Variants in IQCK observed in about 807,000 individuals in gnomAD.
IQCK encodes IQ motif containing K, also known as IQ domain-containing protein K.
In IQCK, 29 loss-of-function variants were observed where a neutral mutation model predicts 28.1. The ratio of observed to expected loss-of-function variants is 1.03; its 90% CI spans 0.77 to 1.41. IQCK has a LOEUF of 1.41. Ranked by LOEUF, IQCK falls within the 40% of genes most tolerant of loss-of-function variation. The probability of loss-of-function intolerance (pLI) is 0.00; values close to 1 mark genes in which losing one functional copy is unlikely to be tolerated. For missense variants in IQCK, 359 were observed against 314.7 expected, an observed-to-expected ratio of 1.14 and a Z score of -1.07; for synonymous variants, 113 against 115.1, an observed-to-expected ratio of 0.98 and a Z score of 0.12.
At chr16:19,742,547 T>G (rs189444248) in intron 4 of IQCK, among the ~76,000 whole-genome samples, 1 of 152,380 alleles carries the variant, frequency 6.6e-6, no homozygotes, top group African/African-American at 2.4e-5. Flanking sequence ...AACTGAATGA[T>G]GACTGGCCTC....
chr16:19,727,929 C>T (rs146792262), intron 1 of IQCK, among the ~76,000 whole-genome samples: 7 of 152,146 alleles, frequency 4.6e-5, no homozygotes, highest in African/African-American at 9.6e-5. Flanking sequence ...CTTGCCACCT[C>T]GTGAACACAC....
intron 9 of IQCK, among the ~76,000 whole-genome samples, chr16:19,852,526 T>G (rs1413902019): frequency 6.6e-6 from 1 of 152,194 alleles, no homozygotes; most frequent in African/African-American, 2.4e-5. Flanking sequence ...TTTGGAGCTC[T>G]TTTCACGTTT....
At chr16:19,855,174 G>A (rs866640135) in intron 9 of IQCK, among the ~76,000 whole-genome samples, 3 of 152,124 alleles carry the variant, frequency 2.0e-5, no homozygotes, top group Non-Finnish European at 4.4e-5. Context: ...ACAGGAGGGT[G>A]GGAAGCTGAT....
rs572984182 is a variant in IQCK, at chr16:19,857,714, C to G, written c.*1166C>G. The G allele has an allele frequency of 1.6e-5, 3 of 183,388 alleles. No homozygotes were observed. The South Asian group carries it at 3.2e-4, about 20-fold the overall frequency. 11.4% of individuals were successfully genotyped at this position (183,388 alleles called of 1,614,324 possible). ...ACCGAGACCACCACCCGAGTTCACC[C>G]TTGTTCAGTGGGTCCTGACGGCATC... is the stretch of plus-strand genomic sequence containing the variant. On this transcript the variant is annotated 3_prime_UTR_variant, in exon 10 of 10. Transcript: ENST00000320394.
rs79851136 is a variant in IQCK, at chr16:19,826,997, G to A, written c.691-29G>A. On this transcript the variant is annotated intron_variant, in intron 7 of 7. Transcript: ENST00000564186. ...CTAGTGTACAGAAGTGTGTCGAAAA[G>A]GGACTAAAGTTTTACTGGGATTTTC... 1.4e-4 allele frequency: 198 copies of A among 1,455,820 alleles called. No individual in the cohort carries two copies. In the African/African-American group the frequency reaches 2.5e-3, roughly 18 times the overall value. 90.2% of individuals were successfully genotyped at this position (1,455,820 alleles called of 1,614,324 possible).
chr16:19,850,222 G>A (rs183147640), intron 9 of IQCK, among the ~76,000 whole-genome samples: 1 of 152,224 alleles, frequency 6.6e-6, no homozygotes, highest in Middle Eastern at 3.4e-3. Context: ...CATTTTTGCT[G>A]TCCTGGTGGG....
chr16:19,733,436 T>A (rs1977904929), intron 2 of IQCK, among the ~76,000 whole-genome samples: 1 of 152,036 alleles, frequency 6.6e-6, no homozygotes, highest in Non-Finnish European at 1.5e-5. Flanking sequence ...TCTTGCTTCT[T>A]GAGTGAGGCT....
exon 1 of IQCK, chr16:19,718,340 G>A: frequency 1.2e-6 from 2 of 1,610,228 alleles, no homozygotes; most frequent in South Asian, 1.1e-5. Flanking sequence ...CAGCCACATA[G>A]TGCGCCTCAA....
chr16:19,780,935 T>A (rs1324254946), intron 6 of IQCK, among the ~76,000 whole-genome samples: 1 of 152,236 alleles, frequency 6.6e-6, no homozygotes, highest in African/African-American at 2.4e-5. Flanking sequence ...CCTATGTATT[T>A]ACTTTCATGT....
intron 7 of IQCK, among the ~76,000 whole-genome samples, chr16:19,812,521 G>A (rs1335661184): frequency 6.6e-6 from 1 of 152,050 alleles, no homozygotes; most frequent in Non-Finnish European, 1.5e-5. Flanking sequence ...GTCAGAGTTG[G>A]CATTATTATG....
intron 7 of IQCK, among the ~76,000 whole-genome samples, chr16:19,822,497 A>C (rs1047123348): frequency 6.6e-6 from 1 of 152,202 alleles, no homozygotes; most frequent in Non-Finnish European, 1.5e-5. Flanking sequence ...GTATTGATAC[A>C]TGCTGCAATG....
At chr16:19,724,847 A>G (rs1373091541) in intron 1 of IQCK, among the ~76,000 whole-genome samples, 1 of 152,116 alleles carries the variant, frequency 6.6e-6, no homozygotes, top group Non-Finnish European at 1.5e-5. Flanking sequence ...TCAATGCTAC[A>G]TTTTAATTGT....
intron 7 of IQCK, among the ~76,000 whole-genome samples, chr16:19,803,902 C>T (rs2055796943): frequency 1.3e-5 from 2 of 152,140 alleles, no homozygotes; most frequent in Admixed American, 1.3e-4. Flanking sequence ...CTCACCTTGG[C>T]CCCCCAAAGT....
chr16:19,841,468 G>T (rs969766292), intron 9 of IQCK, among the ~76,000 whole-genome samples: 12 of 152,126 alleles, frequency 7.9e-5, no homozygotes, highest in African/African-American at 2.7e-4. Flanking sequence ...AGAGTCCCAA[G>T]ACCTGCATTG....
chr16:19,818,485 C>G (rs1006292620), intron 7 of IQCK, among the ~76,000 whole-genome samples: 2 of 152,166 alleles, frequency 1.3e-5, no homozygotes, highest in Non-Finnish European at 2.9e-5. Context: ...CTCCGCCTCC[C>G]AGGTTCAAGT....
chr16:19,742,712 TG>T (rs1251223792), intron 4 of IQCK, among the ~76,000 whole-genome samples: 1 of 152,244 alleles, frequency 6.6e-6, no homozygotes, highest in Non-Finnish European at 1.5e-5. Flanking sequence ...CAAAAATACT[TG>T]CTGATCTGCG....
chr16:19,738,934 A>G (rs1164480259), intron 4 of IQCK, among the ~76,000 whole-genome samples: 1 of 152,062 alleles, frequency 6.6e-6, no homozygotes, highest in Non-Finnish European at 1.5e-5. Context: ...TTGTGTTGGC[A>G]CTTATCAAGC....
chr16:19,734,915 A>G (rs1277671232), intron 3 of IQCK, among the ~76,000 whole-genome samples: 3 of 151,802 alleles, frequency 2.0e-5, no homozygotes, highest in Non-Finnish European at 4.4e-5. Flanking sequence ...ACCCTCTCCT[A>G]CTGGTTTGTT....
intron 7 of IQCK, among the ~76,000 whole-genome samples, chr16:19,803,909 A>G (rs915876027): frequency 1.1e-4 from 16 of 152,178 alleles, no homozygotes; most frequent in African/African-American, 3.1e-4. Context: ...TGGCCCCCCA[A>G]AGTGCTGGGA....
Sources: gnomAD v4.1 joint callset for allele counts (sites outside exome capture counted in the v4.1 genomes callset) on GRCh38, gnomAD v4.1.1 for gene constraint, MANE v1.5 for transcripts, NCBI Gene and HGNC (gene_info 2026-07-23, HGNC 2026-07-21) for gene names.